TSPAN9: variants seen among roughly 807,000 people sequenced by gnomAD.
TSPAN9 encodes the protein tetraspanin-9.
In TSPAN9, 16 loss-of-function variants were observed where a neutral mutation model predicts 31.0. The observed-to-expected ratio is 0.52, with a 90% CI of 0.35 to 0.78. TSPAN9 has a LOEUF of 0.78. Among genes scored for constraint, TSPAN9 ranks in the 30% least tolerant of loss-of-function variants. The probability of loss-of-function intolerance (pLI) is 0.01; values close to 1 mark genes in which losing one functional copy is unlikely to be tolerated. For missense variants in TSPAN9, 272 were observed against 312.5 expected (o/e 0.87, Z 0.98); for synonymous variants, 145 against 121.6 (o/e 1.19, Z -1.27).
At chr12:3,155,784 T>A (rs1412848516) in intron 2 of TSPAN9, among the ~76,000 whole-genome samples, 1 of 152,138 alleles carries the variant, frequency 6.6e-6, no homozygotes, top group Non-Finnish European at 1.5e-5. Context: ...AGGAAAATTG[T>A]CCCCCTTGGG....
chr12:3,272,461 A>T (rs1162984049), intron 3 of TSPAN9, among the ~76,000 whole-genome samples: 1 of 151,410 alleles, frequency 6.6e-6, no homozygotes, highest in Non-Finnish European at 1.5e-5. Context: ...AGAAAAATGG[A>T]TAAGACACAA....
chr12:3,116,970 C>A (rs1422019743), intron 2 of TSPAN9, among the ~76,000 whole-genome samples: 1 of 152,172 alleles, frequency 6.6e-6, no homozygotes, highest in Non-Finnish European at 1.5e-5. Context: ...GAGGGACATC[C>A]CCATAGGGGA....
At chr12:3,241,640 G>A (rs561823304) in intron 3 of TSPAN9, among the ~76,000 whole-genome samples, 2 of 152,320 alleles carry the variant, frequency 1.3e-5, no homozygotes, top group African/African-American at 2.4e-5. Flanking sequence ...TTTCTTCCCC[G>A]ACATTCCGTG....
intron 2 of TSPAN9, among the ~76,000 whole-genome samples, chr12:3,105,588 C>T (rs2098313920): frequency 6.6e-6 from 1 of 151,892 alleles, no homozygotes; most frequent in Admixed American, 6.6e-5. Context: ...ACAGGGGCTT[C>T]TGGATTTGGG....
At chr12:3,249,186 A>G (rs1862198762) in intron 3 of TSPAN9, among the ~76,000 whole-genome samples, 1 of 152,130 alleles carries the variant, frequency 6.6e-6, no homozygotes, top group Admixed American at 6.5e-5. Context: ...GGTAGAATTC[A>G]TGTTCCTCCA....
chr12:3,152,088 C>T (rs1749694781), intron 2 of TSPAN9, among the ~76,000 whole-genome samples: 1 of 152,230 alleles, frequency 6.6e-6, no homozygotes, highest in African/African-American at 2.4e-5. Flanking sequence ...AGCTCTCATT[C>T]CCTTGGGGAA....
intron 2 of TSPAN9, among the ~76,000 whole-genome samples, chr12:3,097,303 G>A (rs769139596): frequency 6.6e-6 from 1 of 152,168 alleles, no homozygotes; most frequent in Admixed American, 6.5e-5. Context: ...GAAAACATGC[G>A]CCCAAAATGG....
intron 3 of TSPAN9, among the ~76,000 whole-genome samples, chr12:3,226,792 A>T (rs374085146): frequency 0.76 from 9,885 of 13,080 alleles, 3,758 homozygotes; most frequent in South Asian, 0.84. Context: ...ATATATATAT[A>T]TATTTTTTTT....
At chr12:3,207,851 G>A (rs970170667) in intron 3 of TSPAN9, among the ~76,000 whole-genome samples, 11 of 152,196 alleles carry the variant, frequency 7.2e-5, no homozygotes, top group Admixed American at 2.0e-4. Context: ...TCCACTCCAG[G>A]GGTTCTTCAC....
chr12:3,220,442 C>T (rs538159416), intron 3 of TSPAN9, among the ~76,000 whole-genome samples: 1 of 152,330 alleles, frequency 6.6e-6, no homozygotes, highest in South Asian at 2.1e-4. Context: ...TGACCGTCAC[C>T]TTCCTGACTC....
chr12:3,206,846 AAC>A (rs1299524566), intron 3 of TSPAN9, among the ~76,000 whole-genome samples: 1 of 152,222 alleles, frequency 6.6e-6, no homozygotes, highest in Admixed American at 6.5e-5. Context: ...ATATAGAGAT[AAC>A]AGAGTAGAGC....
Position 3,201,184 on chromosome 12 carries a change from G to A in TSPAN9, c.-10G>A. On this transcript the variant is annotated 5_prime_UTR_variant, in exon 3 of 9. Transcript: ENST00000011898. ...CCTTTGTGTTCCTCCTAGAATTTAA[G>A]AAGTGCAACATGGCCAGGGGCTGCC... 3 of 1,614,076 alleles carry A rather than the reference G, an allele frequency of 1.9e-6. No individual in the cohort carries two copies. Among genetic ancestry groups the A allele is most frequent in the Non-Finnish European group, 2.5e-6 (3 of 1,179,916 alleles).
chr12:3,199,825 C>G (rs533504981), intron 2 of TSPAN9, among the ~76,000 whole-genome samples: 27 of 152,340 alleles, frequency 1.8e-4, no homozygotes, highest in Non-Finnish European at 3.5e-4. Context: ...TCCCTTCTCC[C>G]TGTGCGCCCT....
intron 2 of TSPAN9, among the ~76,000 whole-genome samples, chr12:3,198,760 C>CGT (rs1186601287): frequency 1.3e-5 from 1 of 78,668 alleles, no homozygotes; most frequent in Non-Finnish European, 2.8e-5. Flanking sequence ...CACAGCTCAC[C>CGT]ACCAGCACAG....
intron 2 of TSPAN9, among the ~76,000 whole-genome samples, chr12:3,145,525 A>C (rs2098336757): frequency 2.6e-5 from 4 of 152,148 alleles, no homozygotes; most frequent in Admixed American, 6.5e-5. Context: ...AGTTTGGGGC[A>C]GAAGACTCAA....
At chr12:3,199,029 C>T (rs1020264168) in intron 2 of TSPAN9, among the ~76,000 whole-genome samples, 1 of 152,214 alleles carries the variant, frequency 6.6e-6, no homozygotes, top group African/African-American at 2.4e-5. Flanking sequence ...GATTAATGCC[C>T]TCCTGTCTTC....
At chr12:3,090,298 T>G (rs998908396) in intron 2 of TSPAN9, among the ~76,000 whole-genome samples, 5 of 152,196 alleles carry the variant, frequency 3.3e-5, no homozygotes, top group African/African-American at 1.2e-4. Context: ...CCCCAAAATA[T>G]AGTGGATTAA....
chr12:3,282,767 C>T (rs1202666659), intron 8 of TSPAN9, among the ~76,000 whole-genome samples: 1 of 152,210 alleles, frequency 6.6e-6, no homozygotes, highest in African/African-American at 2.4e-5. Flanking sequence ...GTGCCTGCAG[C>T]GCCCCTCTGA....
intron 3 of TSPAN9, among the ~76,000 whole-genome samples, chr12:3,219,120 G>A (rs753392857): frequency 9.2e-5 from 14 of 152,358 alleles, no homozygotes; most frequent in Middle Eastern, 3.4e-3. Context: ...GGGGGAGGCC[G>A]GACGGTGTAG....
Sources: gnomAD v4.1 joint callset for allele counts (sites outside exome capture counted in the v4.1 genomes callset) on GRCh38, gnomAD v4.1.1 for gene constraint, MANE v1.5 for transcripts, NCBI Gene and HGNC (gene_info 2026-07-23, HGNC 2026-07-21) for gene names.